Variants in USP7 observed in about 807,000 individuals in gnomAD.
The protein encoded by USP7 is ubiquitin specific peptidase 7.
Under a neutral mutation model 162.9 loss-of-function variants are expected in USP7, and 9 were observed. That is an observed-to-expected ratio of 0.06 (90% CI 0.03 to 0.10). USP7 has a LOEUF of 0.10. Among genes scored for constraint, USP7 ranks in the 10% least tolerant of loss-of-function variants. USP7 has a pLI of 1.00. For synonymous variants in USP7, 562 were observed against 475.9 expected, an observed-to-expected ratio of 1.18 and a Z score of -2.35; for missense variants, 715 against 1,373.7, an observed-to-expected ratio of 0.52 and a Z score of 7.58.
intron 2 of USP7, among the ~76,000 whole-genome samples, chr16:8,925,277 C>A (rs940813230): frequency 6.6e-6 from 1 of 152,192 alleles, no homozygotes. Context: ...CTGGAAGTTA[C>A]CATAACACAC....
At position 8,955,571 on chromosome 16, in the gene USP7, C is replaced by T. The variant is rs149059159; in HGVS notation, c.79+7636G>A. Among the ~76,000 whole-genome samples, 141 of 152,006 alleles carry T rather than the reference C, an allele frequency of 9.3e-4. No homozygotes were observed. In the South Asian group the frequency reaches 0.014, roughly 15 times the overall value. On this transcript the variant is annotated intron_variant, in intron 1 of 30. Transcript: ENST00000344836. ...AATACAAAAAATTAGCCGGGCATGG[C>T]GGCGCGCCCCTGTAGTCCTGGCTAC...
intron 2 of USP7, among the ~76,000 whole-genome samples, chr16:8,928,835 A>T (rs562643211): frequency 6.6e-6 from 1 of 152,102 alleles, no homozygotes. Flanking sequence ...AAGGAAGGGG[A>T]CTTTACCCAT....
At chr16:8,930,866 G>A (rs937421075) in intron 1 of USP7, among the ~76,000 whole-genome samples, 1 of 152,034 alleles carries the variant, frequency 6.6e-6, no homozygotes, top group Non-Finnish European at 1.5e-5. Context: ...CTATTTGGCA[G>A]GCTGAGGAAT....
At chr16:8,955,984 G>A (rs1899782767) in intron 1 of USP7, among the ~76,000 whole-genome samples, 1 of 152,104 alleles carries the variant, frequency 6.6e-6, no homozygotes, top group African/African-American at 2.4e-5. Context: ...CCAGACACTT[G>A]CAGCCCCACC....
intron 8 of USP7, 102 bp downstream of exon 8, chr16:8,916,400 G>A (rs1897370645): frequency 8.3e-7 from 1 of 1,204,834 alleles, no homozygotes; most frequent in Non-Finnish European, 1.2e-6. Flanking sequence ...AACAAAGATG[G>A]GCATTTTCTG....
At chr16:8,926,480 C>A (rs1372192414) in intron 2 of USP7, among the ~76,000 whole-genome samples, 1 of 151,888 alleles carries the variant, frequency 6.6e-6, no homozygotes, top group African/African-American at 2.4e-5. Context: ...AAACTCTGGT[C>A]TCCAAAAAAA....
At chr16:8,951,761 C>T (rs1232703625) in intron 1 of USP7, among the ~76,000 whole-genome samples, 2 of 152,210 alleles carry the variant, frequency 1.3e-5, no homozygotes, top group Admixed American at 1.3e-4. Context: ...ACATACAGCC[C>T]AGCATGGTTT....
rs1420345110 is a variant in USP7 at position 8,901,319 on chromosome 16, C to T, written c.2048-85G>A. On this transcript the variant is annotated intron_variant, in intron 18 of 30. Transcript: ENST00000344836. Reference sequence around the variant, plus strand: ...ACAAAAAAACAAACAAACAAAAAAACGAAAAAAAAAAAACAGTAAGCTGAA... The same window carrying T: ...ACAAAAAAACAAACAAACAAAAAAATGAAAAAAAAAAAACAGTAAGCTGAA... The T allele has an allele frequency of 1.1e-5, 8 of 755,458 alleles. No individual in the cohort carries two copies. The African/African-American group carries it at 2.0e-4, about 19-fold the overall frequency. 46.8% of individuals were successfully genotyped at this position (755,458 alleles called of 1,614,324 possible).
intron 1 of USP7, among the ~76,000 whole-genome samples, chr16:8,942,993 TCAGCCGACCACCTGGCTTTAAGG>T (rs1222548227): frequency 1.3e-5 from 2 of 152,130 alleles, no homozygotes; most frequent in African/African-American, 2.4e-5. Context: ...GGCCCTGAGG[TCAGCCGACCACCTGGCTTTAAGG>T]CAGTGGAGCC....
intron 1 of USP7, among the ~76,000 whole-genome samples, chr16:8,960,751 G>A (rs925428756): frequency 2.0e-5 from 3 of 152,176 alleles, no homozygotes; most frequent in Non-Finnish European, 2.9e-5. Flanking sequence ...TAACAGAAGT[G>A]TTCTCTCACT....
At chr16:8,925,649 C>T (rs1283782656) in intron 2 of USP7, among the ~76,000 whole-genome samples, 2 of 152,204 alleles carry the variant, frequency 1.3e-5, no homozygotes, top group Non-Finnish European at 2.9e-5. Context: ...CACCGCGCAT[C>T]CGTCTCTGTG....
Position 8,893,559 on chromosome 16 carries a change from T to G in USP7, c.*439A>C. On this transcript the variant is annotated 3_prime_UTR_variant, in exon 31 of 31. Transcript: ENST00000344836. ...TTTGCCTTAACAGATGCACAAAAGG[T>G]CATTGAAAGTATAACTGAAGGAAAT... is the stretch of plus-strand genomic sequence containing the variant. 6.1e-6 allele frequency: 1 copy of G among 165,204 alleles called. No individual in the cohort carries two copies. The highest frequency in any genetic ancestry group is 1.3e-5 in the Non-Finnish European group (1 of 74,442). 10.2% of individuals were successfully genotyped at this position (165,204 alleles called of 1,614,324 possible).
intron 16 of USP7, among the ~76,000 whole-genome samples, 178 bp from the exon 17 acceptor site, chr16:8,902,660 C>A (rs2061794063): frequency 1.3e-5 from 2 of 152,016 alleles, no homozygotes; most frequent in South Asian, 4.1e-4. Context: ...GAGGCCGAGG[C>A]AGGTGGATCA....
intron 2 of USP7, among the ~76,000 whole-genome samples, chr16:8,923,740 C>A (rs1462389038): frequency 6.6e-6 from 1 of 151,900 alleles, no homozygotes; most frequent in Non-Finnish European, 1.5e-5. Flanking sequence ...AGTGGAGAGA[C>A]CTTGGAGAGA....
At chr16:8,905,071 G>A (rs1340072247) in intron 14 of USP7, 116 bp downstream of exon 14, 2 of 1,322,008 alleles carry the variant, frequency 1.5e-6, no homozygotes, top group East Asian at 2.4e-5. Context: ...GCGCTGCTGT[G>A]AATACAATGG....
At chr16:8,961,397 C>A (rs1193981011) in intron 1 of USP7, among the ~76,000 whole-genome samples, 2 of 148,788 alleles carry the variant, frequency 1.3e-5, no homozygotes, top group African/African-American at 5.0e-5. Context: ...GAGGCTGAGG[C>A]AGGAAAATCG....
Position 8,899,762 on chromosome 16 carries a change from T to C in USP7, c.2310-5A>G. On this transcript the variant is annotated splice_polypyrimidine_tract_variant and splice_region_variant and intron_variant, in intron 21 of 30. Transcript: ENST00000344836. The stretch of plus-strand genomic sequence containing the variant: ...TTATCATTTTCAGGGTCATCCCTGG[T>C]GGAGGGAGAAAGTTTGCAGTCTGAA... 1.9e-6 allele frequency: 3 copies of C among 1,614,174 alleles called. No individual in the cohort carries two copies. Among genetic ancestry groups the C allele is most frequent in the Non-Finnish European group, 2.5e-6 (3 of 1,180,014 alleles).
rs915224968 is a variant in USP7, at chr16:8,903,148, T to C, written c.1839+120A>G. On this transcript the variant is annotated intron_variant, in intron 16 of 30. Coordinates refer to ENST00000344836, the MANE Select transcript of USP7 (RefSeq NM_003470.3). ...AATGTTCCTGGGTCACACTCCTCAC[T>C]GTTAGGCAGTGGCTGGACACAGCAC... 2.3e-5 allele frequency: 31 copies of C among 1,349,724 alleles called. No individual in the cohort carries two copies. The African/African-American group carries it at 3.8e-4, about 17-fold the overall frequency. 83.6% of individuals were successfully genotyped at this position (1,349,724 alleles called of 1,614,324 possible).
At chr16:8,934,592 T>C (rs750769550) in intron 1 of USP7, among the ~76,000 whole-genome samples, 22 of 152,218 alleles carry the variant, frequency 1.4e-4, no homozygotes, top group Admixed American at 3.9e-4. Flanking sequence ...TTCTCTGCAG[T>C]TGGCCTTGAA....
Sources: gnomAD v4.1 joint callset for allele counts (sites outside exome capture counted in the v4.1 genomes callset) on GRCh38, gnomAD v4.1.1 for gene constraint, MANE v1.5 for transcripts, NCBI Gene and HGNC (gene_info 2026-07-23, HGNC 2026-07-21) for gene names.